The following SAMM50 variants were observed in gnomAD, a reference collection of about 807,000 sequenced individuals.
The protein encoded by SAMM50 is SAMM50 sorting and assembly machinery component.
In SAMM50, 47 loss-of-function variants were observed where a neutral mutation model predicts 66.9. The ratio of observed to expected loss-of-function variants is 0.70; its 90% CI spans 0.56 to 0.90. The LOEUF is 0.90. Among genes scored for constraint, SAMM50 ranks in the 40% least tolerant of loss-of-function variants. SAMM50 has a pLI of 0.00. For synonymous variants in SAMM50, 191 were observed against 214.1 expected (o/e 0.89, Z 0.94); for missense variants, 535 against 595.3 (o/e 0.90, Z 1.05).
In SAMM50 at chr22:43,981,378, TC is replaced by T. The variant is rs1453062724; in HGVS notation, c.937-12del. The T allele has an allele frequency of 6.2e-7, 1 of 1,610,024 alleles. No homozygotes were observed. Among genetic ancestry groups the T allele is most frequent in the South Asian group, 1.1e-5 (1 of 91,000 alleles). ...TGCTGGGAGAAAACAACCATTTGTT[TC>T]TATTTGAACAGGTTTTTTCAGCGTC... is the stretch of plus-strand genomic sequence containing the variant. On this transcript the variant is annotated splice_polypyrimidine_tract_variant and intron_variant, in intron 10 of 14. Transcript: ENST00000350028.
At chr22:43,989,074 G>A (rs752750703) in intron 12 of SAMM50, 37 bp from the exon 13 acceptor site, 57 of 1,591,662 alleles carry the variant, frequency 3.6e-5, no homozygotes, top group Middle Eastern at 1.7e-4. Context: ...TAACCTTGTC[G>A]GACCTTGTTT....
intron 1 of SAMM50, among the ~76,000 whole-genome samples, chr22:43,961,974 A>C (rs956151977): frequency 1.3e-5 from 2 of 152,070 alleles, no homozygotes; most frequent in Non-Finnish European, 1.5e-5. Context: ...TCCTAGGCTC[A>C]AGTGATTATG....
chr22:43,989,238 C>A lies in SAMM50; in HGVS notation c.1203C>A (p.Asn401Lys). ...CACACTTCTTTCTCAACGCAGGAAA[C>A]CTCTGCAACCTCAACTATGGTAAAA... ...FRTHFFLNAGNLCNLNYGEGP... is the reference protein window; with the variant it reads ...FRTHFFLNAGKLCNLNYGEGP... Residue 401 changes from asparagine to lysine, a missense_variant, in exon 13 of 15, where the codon AAC (asparagine) becomes AAA (lysine). By Grantham distance (94) the Asn-to-Lys change is moderately conservative. Coordinates refer to ENST00000350028, the MANE Select transcript of SAMM50 (RefSeq NM_015380.5). 1 of 1,614,140 alleles carries A rather than the reference C, an allele frequency of 6.2e-7. No individual in the cohort carries two copies.
chr22:43,975,861 C>T (rs915909246), intron 7 of SAMM50, 194 bp from the exon 8 acceptor site: 39 of 585,064 alleles, frequency 6.7e-5, no homozygotes, highest in African/African-American at 6.2e-4. Context: ...AGCTTTCCCC[C>T]TTTCTTCCTT....
intron 1 of SAMM50, among the ~76,000 whole-genome samples, chr22:43,957,858 A>G (rs921733681): frequency 6.6e-6 from 1 of 152,120 alleles, no homozygotes; most frequent in Non-Finnish European, 1.5e-5. Context: ...TCCCAGATTC[A>G]CACCATTCTC....
intron 10 of SAMM50, among the ~76,000 whole-genome samples, chr22:43,979,956 C>A (rs1166617846): frequency 6.6e-6 from 1 of 151,150 alleles, no homozygotes; most frequent in Non-Finnish European, 1.5e-5. Context: ...GGTGTGTCTC[C>A]TGCAAGCCTT....
At chr22:43,986,422 C>T (rs1473233874) in intron 12 of SAMM50, 1 of 152,132 alleles carries the variant, frequency 6.6e-6, no homozygotes, top group African/African-American at 2.4e-5. Context: ...AAGGTTGTCT[C>T]ATTTATACTC....
chr22:43,959,918 T>A (rs1222981689), intron 1 of SAMM50, among the ~76,000 whole-genome samples: 1 of 152,158 alleles, frequency 6.6e-6, no homozygotes, highest in African/African-American at 2.4e-5. Context: ...GAAAAATAGA[T>A]GTAAGATGTA....
In SAMM50 at chr22:43,976,877, GTAGA is replaced by G. The variant is rs1378535283; in HGVS notation, c.849+59_849+62del. 8.0e-6 allele frequency: 7 copies of G among 877,500 alleles called. No individual in the cohort carries two copies. The African/African-American group carries it at 1.0e-4, about 13-fold the overall frequency. 54.4% of individuals were successfully genotyped at this position (877,500 alleles called of 1,614,324 possible). On this transcript the variant is annotated intron_variant, in intron 9 of 14. Transcript: ENST00000350028. Reference sequence around the variant, plus strand: ...GGTGAGGGGAGCCAAACTTTGGACAGTAGATAAAGTCCCGGTGGGCTGGGTGGGC... The same window carrying G: ...GGTGAGGGGAGCCAAACTTTGGACAGTAAAGTCCCGGTGGGCTGGGTGGGC...
At chr22:43,971,124 T>C (rs1392750671) in intron 4 of SAMM50, among the ~76,000 whole-genome samples, 1 of 151,996 alleles carries the variant, frequency 6.6e-6, no homozygotes, top group South Asian at 2.1e-4. Context: ...GCTGAGATCA[T>C]CCGACTGCAC....
intron 14 of SAMM50, among the ~76,000 whole-genome samples, chr22:43,994,257 AG>A (rs2050341031): frequency 3.9e-5 from 6 of 152,216 alleles, no homozygotes; most frequent in Admixed American, 2.6e-4. Context: ...CGCGTCCTAC[AG>A]GAACAGAAGG....
intron 1 of SAMM50, among the ~76,000 whole-genome samples, chr22:43,956,044 C>T (rs1017383348): frequency 6.6e-6 from 1 of 152,196 alleles, no homozygotes; most frequent in African/African-American, 2.4e-5. Flanking sequence ...CTCTTTTCTC[C>T]TGTCTACCGT....
rs1569025410 is a variant in SAMM50 at position 43,964,573 on chromosome 22, G to C, written c.234+20G>C. ...ATTGAGGTAGGTGTGGTCTCTACAT[G>C]GTGTGCTTTCCCAGTCTCTTCTGAA... is the stretch of plus-strand genomic sequence containing the variant. On this transcript the variant is annotated intron_variant, in intron 3 of 14. Coordinates refer to ENST00000350028, the MANE Select transcript of SAMM50 (RefSeq NM_015380.5). 1 of 1,318,960 alleles carries C rather than the reference G, an allele frequency of 7.6e-7. No individual in the cohort carries two copies. The allele number at this position is 1,318,960 out of a possible 1,614,324, so 81.7% of individuals were successfully genotyped here. A position where few individuals can be genotyped will look rare whatever the true frequency, so the allele number is the denominator to read the frequency against.
intron 1 of SAMM50, among the ~76,000 whole-genome samples, chr22:43,959,024 T>C (rs935446384): frequency 4.0e-5 from 6 of 148,922 alleles, no homozygotes; most frequent in African/African-American, 7.4e-5. Context: ...TTTTCTTTTT[T>C]TTTTTTTTTT....
At chr22:43,973,666 G>C (rs184914750) in intron 7 of SAMM50, among the ~76,000 whole-genome samples, 1 of 152,258 alleles carries the variant, frequency 6.6e-6, no homozygotes, top group Admixed American at 6.5e-5. Flanking sequence ...ACAGAGGTTT[G>C]CTCTTGTCGC....
At chr22:43,967,666 T>C (rs2050180286) in intron 3 of SAMM50, among the ~76,000 whole-genome samples, 2 of 152,224 alleles carry the variant, frequency 1.3e-5, no homozygotes, top group Admixed American at 1.3e-4. Flanking sequence ...CATTCGTCTG[T>C]GTGATCCGTT....
chr22:43,975,996 T>G (rs763320487), intron 7 of SAMM50, 59 bp from the exon 8 acceptor site: 1 of 1,532,450 alleles, frequency 6.5e-7, no homozygotes, highest in East Asian at 2.3e-5. Flanking sequence ...CAAAAAATGA[T>G]TTGCAACAAG....
rs1266250894 is a variant in SAMM50, at chr22:43,989,269, G to T, written c.1222+12G>T. 6.2e-7 allele frequency: 1 copy of T among 1,613,262 alleles called. No homozygotes were observed. The highest frequency in any genetic ancestry group is 1.7e-5 in the Admixed American group (1 of 59,952). On this transcript the variant is annotated intron_variant, in intron 13 of 14. Transcript: ENST00000350028. ...CAACCTCAACTATGGTAAAACTTGC[G>T]CTATTCAAGAAACCATTGTAGTACA...
chr22:43,960,596 G>T (rs1357521424), intron 1 of SAMM50, among the ~76,000 whole-genome samples: 3 of 152,132 alleles, frequency 2.0e-5, no homozygotes, highest in African/African-American at 7.2e-5. Flanking sequence ...AGGTATAGTG[G>T]CACGCACCTG....
Sources: gnomAD v4.1 joint callset for allele counts (sites outside exome capture counted in the v4.1 genomes callset) on GRCh38, gnomAD v4.1.1 for gene constraint, MANE v1.5 for transcripts, NCBI Gene and HGNC (gene_info 2026-07-23, HGNC 2026-07-21) for gene names.